Variants in PIK3C3 observed in about 807,000 individuals in gnomAD.
PIK3C3 encodes the protein phosphatidylinositol 3-kinase catalytic subunit type 3.
A neutral mutation model predicts 126.1 loss-of-function variants in PIK3C3; 95 were observed. That is an observed-to-expected ratio of 0.75 (90% CI 0.64 to 0.89). The LOEUF (loss-of-function observed/expected upper bound fraction) is 0.89. Ranked by LOEUF, PIK3C3 falls within the 40% of genes least tolerant of loss-of-function variation. The pLI is 0.00. For synonymous variants in PIK3C3, 374 were observed against 360.0 expected (o/e 1.04, Z -0.44); for missense variants, 829 against 1,063.2 (o/e 0.78, Z 3.06).
chr18:42,029,335 C>T lies in PIK3C3; in HGVS notation c.1601C>T (p.Ser534Phe). Residue 534 changes from serine to phenylalanine, a missense_variant, in exon 15 of 25, where the codon TCT becomes TTT. Transcript: ENST00000262039. ...FSQALLKGDKSVRVMRSLLAA... is the reference protein window; with the variant it reads ...FSQALLKGDKFVRVMRSLLAA... ...CTTTGAACCCTTCAGGGTGATAAGT[C>T]TGTCAGAGTTATGCGTTCTTTGCTG... 6.2e-7 allele frequency: 1 copy of T among 1,612,292 alleles called. No individual in the cohort carries two copies. The highest frequency in any genetic ancestry group is 8.5e-7 in the Non-Finnish European group (1 of 1,178,470).
intron 23 of PIK3C3, among the ~76,000 whole-genome samples, chr18:42,066,447 T>C (rs911522190): frequency 2.6e-5 from 4 of 152,024 alleles, no homozygotes; most frequent in African/African-American, 9.7e-5. Flanking sequence ...TTGAGAAGTA[T>C]ATGTGGGTTA....
At chr18:41,979,879 T>A (rs1361281638) in intron 4 of PIK3C3, among the ~76,000 whole-genome samples, 3 of 123,592 alleles carry the variant, frequency 2.4e-5, no homozygotes. Flanking sequence ...CATGCCATTA[T>A]TATTATTATT....
chr18:41,987,934 C>A, intron 5 of PIK3C3, 36 bp downstream of exon 5: 1 of 1,259,822 alleles, frequency 7.9e-7, no homozygotes, highest in South Asian at 1.4e-5. Flanking sequence ...AAAATATTTT[C>A]TGTAAATTTT....
Position 41,966,567 on chromosome 18 carries a change from A to T in PIK3C3, c.402-3760A>T, listed in dbSNP as rs565271037. Among the ~76,000 whole-genome samples, 9 of 152,324 alleles carry T rather than the reference A, an allele frequency of 5.9e-5. No individual in the cohort carries two copies. In the South Asian group the frequency reaches 1.2e-3, roughly 21 times the overall value. The stretch of plus-strand genomic sequence containing the variant: ...AGCTTGATATCCCTGTTATACATGG[A>T]AAACAAGTATTATTTAACATTAGTG... On this transcript the variant is annotated intron_variant, in intron 3 of 24. Transcript: ENST00000262039.
intron 24 of PIK3C3, among the ~76,000 whole-genome samples, chr18:42,072,926 C>A (rs1249810803): frequency 6.6e-6 from 1 of 152,070 alleles, no homozygotes; most frequent in African/African-American, 2.4e-5. Context: ...CACAAGTAGG[C>A]CTTTCACTGG....
At chr18:41,987,529 C>T (rs1034806869) in intron 4 of PIK3C3, among the ~76,000 whole-genome samples, 11 of 151,960 alleles carry the variant, frequency 7.2e-5, no homozygotes, top group Non-Finnish European at 8.8e-5. Context: ...AGTCAAAATA[C>T]AAGAAATATA....
chr18:41,996,068 C>A, intron 8 of PIK3C3, 74 bp downstream of exon 8: 1 of 932,882 alleles, frequency 1.1e-6, no homozygotes, highest in Non-Finnish European at 1.7e-6. Flanking sequence ...GCTATCACCT[C>A]ACTTAAAAAT....
chr18:42,027,782 A>G (rs1326666469), intron 14 of PIK3C3, among the ~76,000 whole-genome samples: 2 of 151,912 alleles, frequency 1.3e-5, no homozygotes, highest in East Asian at 3.9e-4. Flanking sequence ...AGCCTCCCGA[A>G]TAGCTGAGAT....
intron 4 of PIK3C3, among the ~76,000 whole-genome samples, chr18:41,982,438 G>A (rs1981254066): frequency 6.6e-6 from 1 of 152,020 alleles, no homozygotes; most frequent in Non-Finnish European, 1.5e-5. Context: ...TATTTCAGGT[G>A]GTTAAGTTAA....
At chr18:42,026,073 C>T (rs939952374) in intron 13 of PIK3C3, 2 of 152,118 alleles carry the variant, frequency 1.3e-5, no homozygotes, top group East Asian at 1.9e-4. Context: ...TTAAGAAGGT[C>T]GAAAAGTTTC....
rs1298531309 is a variant in PIK3C3 at position 42,083,780 on chromosome 18, T to A, written c.*2643T>A. 6.6e-6 allele frequency: 1 copy of A among 152,220 alleles called. No homozygotes were observed. The highest frequency in any genetic ancestry group is 2.4e-5 in the African/African-American group (1 of 41,456). 9.4% of individuals were successfully genotyped at this position (152,220 alleles called of 1,614,324 possible). On this transcript the variant is annotated 3_prime_UTR_variant, in exon 25 of 25. Transcript: ENST00000262039. The stretch of plus-strand genomic sequence containing the variant: ...AGCAATTGAATCATCTGCCCAAGGA[T>A]AAGCTGCTGGTGAGAGCAGAGTTGG...
At chr18:42,006,362 A>G (rs1982542066) in intron 10 of PIK3C3, among the ~76,000 whole-genome samples, 1 of 152,142 alleles carries the variant, frequency 6.6e-6, no homozygotes, top group African/African-American at 2.4e-5. Flanking sequence ...AGAAAAGCAG[A>G]AAAAATCAGA....
At chr18:41,993,461 A>G in intron 7 of PIK3C3, 120 bp downstream of exon 7, 1 of 630,562 alleles carries the variant, frequency 1.6e-6, no homozygotes, top group Non-Finnish European at 2.8e-6. Flanking sequence ...CCTAAAAGTG[A>G]TTCATAAATT....
rs776665730 is a variant in PIK3C3 at position 42,015,554 on chromosome 18, C to T, written c.1404C>T (p.Gly468=). The change falls in exon 12 of 25, where the codon GGC becomes GGT. Residue 468 remains glycine (G), a synonymous_variant. Transcript: ENST00000262039. ...CAAAAACAAAAGAAGTTCCAGATGGCGAAAATCTGGAAGTGAGTACAAAGC... is the reference window on the plus strand; with the variant it reads ...CAAAAACAAAAGAAGTTCCAGATGGTGAAAATCTGGAAGTGAGTACAAAGC... ...PASKTKEVPD[G]ENLEQDLCTF... The T allele has an allele frequency of 1.2e-5, 19 of 1,612,086 alleles. No homozygotes were observed. The highest frequency in any genetic ancestry group is 1.6e-4 in the Middle Eastern group (1 of 6,082).
chr18:42,052,722 A>T (rs1267137260), intron 21 of PIK3C3: 1 of 152,134 alleles, frequency 6.6e-6, no homozygotes, highest in Non-Finnish European at 1.5e-5. Flanking sequence ...GTATAGTTCA[A>T]AGTGAATTTT....
At chr18:41,960,903 G>A (rs1356020486) in intron 2 of PIK3C3, among the ~76,000 whole-genome samples, 4 of 151,952 alleles carry the variant, frequency 2.6e-5, no homozygotes, top group African/African-American at 9.7e-5. Context: ...CACCATGCCC[G>A]GCTGATTTTT....
intron 24 of PIK3C3, among the ~76,000 whole-genome samples, chr18:42,076,657 ATTAG>A (rs997837978): frequency 1.3e-5 from 2 of 152,216 alleles, no homozygotes; most frequent in African/African-American, 2.4e-5. Context: ...AGCTTGTAAG[ATTAG>A]TTAATTATTG....
At chr18:42,068,440 AATC>A (rs1213019016) in intron 24 of PIK3C3, among the ~76,000 whole-genome samples, 2 of 152,186 alleles carry the variant, frequency 1.3e-5, no homozygotes, top group African/African-American at 2.4e-5. Context: ...CCCAGAAATC[AATC>A]TTCTTAATAA....
intron 3 of PIK3C3, among the ~76,000 whole-genome samples, chr18:41,965,794 A>G (rs373254586): frequency 6.6e-6 from 1 of 152,150 alleles, no homozygotes; most frequent in East Asian, 1.9e-4. Context: ...TTTACCTCCC[A>G]TCCAAACCAA....
Sources: allele counts gnomAD v4.1 joint callset (sites outside exome capture counted in the v4.1 genomes callset), GRCh38; gene constraint gnomAD v4.1.1; transcripts MANE v1.5; gene names NCBI Gene and HGNC (gene_info 2026-07-23, HGNC 2026-07-21).